Variants in SDK1 observed in about 807,000 individuals in gnomAD.
The protein encoded by SDK1 is protein sidekick-1.
A neutral mutation model predicts 245.5 loss-of-function variants in SDK1; 157 were observed. That is an observed-to-expected ratio of 0.64 (90% CI 0.56 to 0.73). The LOEUF (loss-of-function observed/expected upper bound fraction) is 0.73. SDK1 is among the 30% of genes least tolerant of loss of function. The pLI, the probability that SDK1 is intolerant of heterozygous loss-of-function variation, is 0.00. For synonymous variants in SDK1, 1,647 were observed against 1,278.5 expected (o/e 1.29, Z -6.15); for missense variants, 3,583 against 3,002.3 (o/e 1.19, Z -4.52).
intron 2 of SDK1, among the ~76,000 whole-genome samples, chr7:3,619,679 A>G (rs757964877): frequency 3.9e-5 from 6 of 152,224 alleles, no homozygotes; most frequent in Non-Finnish European, 8.8e-5. Context: ...AAGTGGAGAT[A>G]GGGATGGATG....
At chr7:3,876,717 G>A (rs1781086572) in intron 5 of SDK1, among the ~76,000 whole-genome samples, 1 of 152,158 alleles carries the variant, frequency 6.6e-6, no homozygotes, top group African/African-American at 2.4e-5. Flanking sequence ...GATACTTACT[G>A]TCTTTTCTTT....
At chr7:3,614,702 C>T (rs1781714174) in intron 1 of SDK1, among the ~76,000 whole-genome samples, 1 of 152,142 alleles carries the variant, frequency 6.6e-6, no homozygotes, top group Non-Finnish European at 1.5e-5. Flanking sequence ...GTGCTGGGCT[C>T]AGAGAAGTGC....
At chr7:3,909,770 G>A (rs956186103) in intron 5 of SDK1, among the ~76,000 whole-genome samples, 7 of 152,162 alleles carry the variant, frequency 4.6e-5, no homozygotes, top group African/African-American at 1.2e-4. Flanking sequence ...TCTCATGGTC[G>A]ATGGCTTTAT....
intron 1 of SDK1, among the ~76,000 whole-genome samples, chr7:3,592,702 C>T (rs1451589432): frequency 2.0e-5 from 3 of 152,146 alleles, no homozygotes; most frequent in African/African-American, 2.4e-5. Context: ...CGTGGGGACT[C>T]GCGCTGTGGG....
intron 4 of SDK1, among the ~76,000 whole-genome samples, chr7:3,788,751 G>C (rs747730646): frequency 6.6e-6 from 1 of 152,198 alleles, no homozygotes. Context: ...GGGCAAGCTT[G>C]CTTTAAGTCA....
chr7:3,845,110 C>T (rs1046329209), intron 5 of SDK1, among the ~76,000 whole-genome samples: 3 of 152,006 alleles, frequency 2.0e-5, no homozygotes, highest in Admixed American at 1.3e-4. Context: ...GCCAGGTTGG[C>T]GGGGAGGGAT....
At position 4,112,911 on chromosome 7, in the gene SDK1, G is replaced by A. The variant is rs577979800; in HGVS notation, c.3435-378G>A. On this transcript the variant is annotated intron_variant, in intron 23 of 44. Coordinates refer to ENST00000404826, the MANE Select transcript of SDK1 (RefSeq NM_152744.4). ...TGGGATTCCAGGCACCCGCCACCACGCCTGGCTAATTTTTGTATTTTTAGT... is the reference window on the plus strand; with the variant it reads ...TGGGATTCCAGGCACCCGCCACCACACCTGGCTAATTTTTGTATTTTTAGT... 9.2e-5 allele frequency among the ~76,000 whole-genome samples: 14 copies of A among 152,006 alleles called. No homozygotes were observed. In the East Asian group the frequency reaches 2.3e-3, roughly 25 times the overall value.
At chr7:3,307,815 C>G (rs1037313681) in intron 1 of SDK1, among the ~76,000 whole-genome samples, 1 of 151,980 alleles carries the variant, frequency 6.6e-6, no homozygotes, top group East Asian at 1.9e-4. Flanking sequence ...AGTCTGTTTT[C>G]TCACCTATAA....
Position 4,267,111 on chromosome 7 carries a change from G to T in SDK1, c.*1727G>T. On this transcript the variant is annotated 3_prime_UTR_variant, in exon 45 of 45. Transcript: ENST00000404826. ...AGGAGACCAAGGAGAGTTTTGTATA[G>T]GCTGGAAAACCCCTTTTCAGTCTTT... 1.0e-6 allele frequency: 1 copy of T among 985,412 alleles called. No homozygotes were observed. The highest frequency in any genetic ancestry group is 1.2e-6 in the Non-Finnish European group (1 of 829,946). 61.0% of individuals were successfully genotyped at this position (985,412 alleles called of 1,614,324 possible).
chr7:3,604,430 G>C (rs1197886895), intron 1 of SDK1, among the ~76,000 whole-genome samples: 1 of 151,912 alleles, frequency 6.6e-6, no homozygotes, highest in Non-Finnish European at 1.5e-5. Context: ...ATTGACTTCA[G>C]GCTTTCCCTC....
chr7:3,601,224 G>C (rs1781243753), intron 1 of SDK1, among the ~76,000 whole-genome samples: 1 of 152,116 alleles, frequency 6.6e-6, no homozygotes, highest in South Asian at 2.1e-4. Context: ...GGTAGTAATA[G>C]TCTTCAAGAA....
intron 1 of SDK1, among the ~76,000 whole-genome samples, chr7:3,500,888 C>T (rs1181743314): frequency 6.6e-6 from 1 of 151,750 alleles, no homozygotes; most frequent in Non-Finnish European, 1.5e-5. Flanking sequence ...TTATTTTCTT[C>T]TATCATGTTA....
intron 31 of SDK1, among the ~76,000 whole-genome samples, chr7:4,159,086 C>T (rs904312416): frequency 4.8e-4 from 73 of 152,304 alleles, no homozygotes; most frequent in African/African-American, 1.7e-3. Flanking sequence ...GATCACAGGA[C>T]GGGTGGGATG....
intron 35 of SDK1, among the ~76,000 whole-genome samples, chr7:4,182,512 G>T (rs753812574): frequency 6.6e-6 from 1 of 152,200 alleles, no homozygotes; most frequent in Admixed American, 6.5e-5. Flanking sequence ...ACCCAGGGAC[G>T]TGTCCTGGAG....
In SDK1 at chr7:4,114,252, G is replaced by A. The variant is rs761915995; in HGVS notation, c.3801G>A (p.Val1267=). 43 of 1,610,010 alleles carry A rather than the reference G, an allele frequency of 2.7e-5. No individual in the cohort carries two copies. Among genetic ancestry groups the A allele is most frequent in the South Asian group, 1.8e-4 (16 of 90,786 alleles). ...AVGAGPWSEV[V]RGRTRESVPS... is the part of the protein sequence containing the mutation. ...GGGCTGGGCCGTGGAGCGAGGTGGTGCGGGGCCGGACGCGGGAGTCAGGTG... is the reference window on the plus strand; with the variant it reads ...GGGCTGGGCCGTGGAGCGAGGTGGTACGGGGCCGGACGCGGGAGTCAGGTG... The change falls in exon 25 of 45, where the codon GTG becomes GTA. Residue 1267 remains valine (V), a synonymous_variant. Coordinates refer to ENST00000404826, the MANE Select transcript of SDK1 (RefSeq NM_152744.4).
intron 42 of SDK1, among the ~76,000 whole-genome samples, chr7:4,238,753 G>T (rs1786342798): frequency 6.6e-6 from 1 of 151,692 alleles, no homozygotes; most frequent in East Asian, 1.9e-4. Flanking sequence ...TCTCCATGTT[G>T]GTCAGGCTGG....
At chr7:3,623,884 A>T (rs191641941) in intron 2 of SDK1, among the ~76,000 whole-genome samples, 1 of 152,350 alleles carries the variant, frequency 6.6e-6, no homozygotes, top group African/African-American at 2.4e-5. Flanking sequence ...TTTCTATGAC[A>T]ATATAAAAAT....
chr7:3,571,449 C>T (rs539161541), intron 1 of SDK1, among the ~76,000 whole-genome samples: 11 of 151,962 alleles, frequency 7.2e-5, no homozygotes, highest in Middle Eastern at 3.4e-3. Flanking sequence ...ACTACAGGCC[C>T]GTACCACCAT....
intron 2 of SDK1, among the ~76,000 whole-genome samples, chr7:3,635,817 C>A (rs906361209): frequency 6.6e-6 from 1 of 152,152 alleles, no homozygotes; most frequent in Non-Finnish European, 1.5e-5. Flanking sequence ...GGTGATCTTC[C>A]CACCTCAGCC....
Sources: allele counts gnomAD v4.1 joint callset (sites outside exome capture counted in the v4.1 genomes callset), GRCh38; gene constraint gnomAD v4.1.1; transcripts MANE v1.5; gene names NCBI Gene and HGNC (gene_info 2026-07-23, HGNC 2026-07-21).